OCA2: variants seen among roughly 807,000 people sequenced by gnomAD.
OCA2 encodes OCA2 melanosomal transmembrane protein.
A neutral mutation model predicts 100.2 loss-of-function variants in OCA2; 77 were observed. The observed-to-expected ratio is 0.77, with a 90% CI of 0.64 to 0.93. OCA2 has a LOEUF of 0.93. OCA2 is among the 40% of genes least tolerant of loss of function. The pLI, the probability that OCA2 is intolerant of heterozygous loss-of-function variation, is 0.00. For missense variants in OCA2, 1,062 were observed against 1,089.1 expected, an observed-to-expected ratio of 0.98 and a Z score of 0.35; for synonymous variants, 432 against 439.2, an observed-to-expected ratio of 0.98 and a Z score of 0.21.
At chr15:27,744,160 A>G in the OCA2 span, among the ~76,000 whole-genome samples, 1 of 152,208 alleles carries the variant, frequency 6.6e-6, no homozygotes, top group Non-Finnish European at 1.5e-5. Context: ...AAGACAGCCA[A>G]CAACAATGAC....
chr15:27,909,944 G>A (rs1398662714), intron 19 of OCA2, among the ~76,000 whole-genome samples: 1 of 152,024 alleles, frequency 6.6e-6, no homozygotes, highest in African/African-American at 2.4e-5. Context: ...CAACTAACTA[G>A]GAGTAAATAA....
At position 27,966,760 on chromosome 15, in the gene OCA2, G is replaced by T. The variant is rs747826573; in HGVS notation, c.1566C>A (p.Val522=). The T allele has an allele frequency of 6.2e-7, 1 of 1,613,780 alleles. No individual in the cohort carries two copies. Among genetic ancestry groups the T allele is most frequent in the Non-Finnish European group, 8.5e-7 (1 of 1,179,960 alleles). The change falls in exon 15 of 24, where the codon GTC becomes GTA. Residue 522 remains valine, a synonymous_variant. Transcript: ENST00000354638. ...AAAGGAGTCTGAGGAGCGGAAAGCAGACCAGGAGAACAAGGCAAATCCCAA... is the reference window on the plus strand; with the variant it reads ...AAAGGAGTCTGAGGAGCGGAAAGCATACCAGGAGAACAAGGCAAATCCCAA... ...MFIGICLVLL[V]CFPLLRLLYW... is the part of the protein sequence containing the mutation.
At chr15:28,052,980 G>A (rs2043563666) in intron 2 of OCA2, among the ~76,000 whole-genome samples, 1 of 152,204 alleles carries the variant, frequency 6.6e-6, no homozygotes, top group South Asian at 2.1e-4. Flanking sequence ...TGACTGCGCT[G>A]CCAGGTAAGG....
intron 15 of OCA2, among the ~76,000 whole-genome samples, chr15:27,958,500 C>T (rs1367802513): frequency 1.3e-5 from 2 of 152,072 alleles, no homozygotes; most frequent in Non-Finnish European, 1.5e-5. Context: ...TCCAACCAGG[C>T]GCCACTGAGC....
intron 19 of OCA2, among the ~76,000 whole-genome samples, chr15:27,894,225 G>A (rs2037590036): frequency 6.6e-6 from 1 of 152,144 alleles, no homozygotes; most frequent in Admixed American, 6.5e-5. Context: ...CCAGGCCTTT[G>A]TCTCCCACTC....
the OCA2 span, among the ~76,000 whole-genome samples, chr15:27,746,053 A>G: frequency 2.6e-5 from 4 of 152,180 alleles, no homozygotes; most frequent in Admixed American, 2.6e-4. Context: ...CCTTGGGCAC[A>G]TGTTCTCAGG....
intron 23 of OCA2, among the ~76,000 whole-genome samples, chr15:27,809,809 C>A (rs2034002547): frequency 6.6e-6 from 1 of 152,078 alleles, no homozygotes; most frequent in East Asian, 1.9e-4. Flanking sequence ...TATATTTAAC[C>A]AAGGAGGTCG....
At chr15:27,995,840 T>A (rs956782552) in intron 9 of OCA2, among the ~76,000 whole-genome samples, 2 of 143,870 alleles carry the variant, frequency 1.4e-5, no homozygotes, top group African/African-American at 5.2e-5. Flanking sequence ...TGAGATGGAG[T>A]CTCGCTCTGT....
rs145380415 is a variant in OCA2, at chr15:27,773,033, G to C, written c.2433-17561C>G. 2.7e-3 allele frequency among the ~76,000 whole-genome samples: 417 copies of C among 151,970 alleles called. 6 individuals are homozygous for C. Among genetic ancestry groups the C allele is most frequent in the African/African-American group, 9.6e-3 (396 of 41,426 alleles). The stretch of plus-strand genomic sequence containing the variant: ...TTTTGGCAATTAGAACTATTATGTT[G>C]ACTGTCTCATTGAATTTTTAAATAT... On this transcript the variant is annotated intron_variant, in intron 23 of 23. Coordinates refer to ENST00000354638, the MANE Select transcript of OCA2 (RefSeq NM_000275.3).
chr15:27,863,532 C>T (rs1057123020), intron 21 of OCA2, among the ~76,000 whole-genome samples: 3 of 152,152 alleles, frequency 2.0e-5, no homozygotes, highest in Non-Finnish European at 4.4e-5. Flanking sequence ...GAGACCCTGA[C>T]CTGTTAGAAG....
intron 4 of OCA2, among the ~76,000 whole-genome samples, chr15:28,025,927 G>A (rs2042734478): frequency 6.6e-6 from 1 of 152,190 alleles, no homozygotes; most frequent in African/African-American, 2.4e-5. Context: ...ATCTTGTTTT[G>A]CATTCTCTTA....
intron 1 of OCA2, among the ~76,000 whole-genome samples, chr15:28,095,074 G>A (rs1442291200): frequency 1.3e-5 from 2 of 152,246 alleles, no homozygotes; most frequent in African/African-American, 4.8e-5. Flanking sequence ...GAGCGGTGCT[G>A]CCGGCGCTCA....
chr15:27,981,481 G>A (rs1019950292), intron 14 of OCA2, among the ~76,000 whole-genome samples: 3 of 152,170 alleles, frequency 2.0e-5, no homozygotes, highest in African/African-American at 2.4e-5. Flanking sequence ...AAAATACTTA[G>A]AAACAGTTTG....
At chr15:27,977,351 G>A (rs970964724) in intron 14 of OCA2, among the ~76,000 whole-genome samples, 1 of 152,100 alleles carries the variant, frequency 6.6e-6, no homozygotes, top group Non-Finnish European at 1.5e-5. Flanking sequence ...TTCAAATACA[G>A]GTGTTTAGTG....
the OCA2 span, among the ~76,000 whole-genome samples, chr15:27,733,989 G>A: frequency 4.0e-5 from 6 of 151,476 alleles, no homozygotes; most frequent in East Asian, 3.9e-4. Context: ...GTGAAACCCC[G>A]TCTCTACTAA....
chr15:27,753,476 G>GT (rs2030145023), downstream of OCA2, among the ~76,000 whole-genome samples: 1 of 152,154 alleles, frequency 6.6e-6, no homozygotes, highest in African/African-American at 2.4e-5. Context: ...GCTCATGCCT[G>GT]TAATTCCAGC....
At chr15:27,905,533 G>A (rs2038144128) in intron 19 of OCA2, among the ~76,000 whole-genome samples, 1 of 152,192 alleles carries the variant, frequency 6.6e-6, no homozygotes, top group African/African-American at 2.4e-5. Context: ...GGTGCTGTGA[G>A]AGGAGCAGGA....
chr15:27,920,251 T>C (rs2038809433), intron 19 of OCA2, among the ~76,000 whole-genome samples: 1 of 151,730 alleles, frequency 6.6e-6, no homozygotes, highest in African/African-American at 2.4e-5. Context: ...CCAAATAGAT[T>C]GAAAGGAAAA....
At chr15:27,970,567 G>A (rs922481605) in intron 14 of OCA2, among the ~76,000 whole-genome samples, 15 of 151,816 alleles carry the variant, frequency 9.9e-5, no homozygotes, top group African/African-American at 3.4e-4. Flanking sequence ...ACAGCATGAT[G>A]GGAAAACATG....
Sources: gnomAD v4.1 joint callset for allele counts (sites outside exome capture counted in the v4.1 genomes callset) on GRCh38, gnomAD v4.1.1 for gene constraint, MANE v1.5 for transcripts, NCBI Gene and HGNC (gene_info 2026-07-23, HGNC 2026-07-21) for gene names.